The following POU2F1 variants were observed in gnomAD, a reference collection of about 807,000 sequenced individuals.
The protein encoded by POU2F1 is POU domain, class 2, transcription factor 1.
Under a neutral mutation model 84.9 loss-of-function variants are expected in POU2F1, and 16 were observed. That is an observed-to-expected ratio of 0.19 (90% CI 0.13 to 0.29). The LOEUF (loss-of-function observed/expected upper bound fraction) is 0.29, where lower values mean the gene tolerates loss of function less well. Ranked by LOEUF, POU2F1 falls within the 10% of genes least tolerant of loss-of-function variation. The probability of loss-of-function intolerance (pLI) is 1.00; values close to 1 mark genes in which losing one functional copy is unlikely to be tolerated. For synonymous variants in POU2F1, 368 were observed against 368.3 expected, an observed-to-expected ratio of 1.00 and a Z score of 0.01; for missense variants, 738 against 942.6, an observed-to-expected ratio of 0.78 and a Z score of 2.84.
chr1:167,360,788 A>G (rs1659305412), intron 2 of POU2F1, among the ~76,000 whole-genome samples: 1 of 152,146 alleles, frequency 6.6e-6, no homozygotes, highest in East Asian at 1.9e-4. Flanking sequence ...TTTGGGCAGT[A>G]TAGACATTTT....
chr1:167,320,179 G>A (rs1221916529), intron 1 of POU2F1, among the ~76,000 whole-genome samples: 3 of 152,140 alleles, frequency 2.0e-5, no homozygotes, highest in Non-Finnish European at 4.4e-5. Flanking sequence ...TCAACTAACT[G>A]TGTAGAATGA....
At chr1:167,400,913 G>T (rs1052871913) in intron 12 of POU2F1, among the ~76,000 whole-genome samples, 5 of 152,158 alleles carry the variant, frequency 3.3e-5, no homozygotes, top group Admixed American at 6.5e-5. Context: ...TTATGAAAAA[G>T]ATAATTATTA....
intron 1 of POU2F1, among the ~76,000 whole-genome samples, chr1:167,327,837 T>C (rs1656810662): frequency 6.6e-6 from 1 of 152,192 alleles, no homozygotes; most frequent in South Asian, 2.1e-4. Context: ...TCCGAATTAC[T>C]AGTGTGACAT....
At chr1:167,384,851 C>T (rs1647842250) in intron 8 of POU2F1, among the ~76,000 whole-genome samples, 1 of 151,762 alleles carries the variant, frequency 6.6e-6, no homozygotes, top group Non-Finnish European at 1.5e-5. Context: ...GCCAGTAATG[C>T]AATAAGACAA....
intron 2 of POU2F1, among the ~76,000 whole-genome samples, chr1:167,348,878 G>A (rs1234346890): frequency 6.6e-6 from 1 of 152,078 alleles, no homozygotes; most frequent in Admixed American, 6.6e-5. Context: ...CATGGCTTGA[G>A]GACAGTGACA....
At chr1:167,315,060 A>C (rs773603998) in intron 1 of POU2F1, among the ~76,000 whole-genome samples, 24 of 152,198 alleles carry the variant, frequency 1.6e-4, no homozygotes, top group Non-Finnish European at 2.8e-4. Context: ...TTCACTTTCT[A>C]CCATGATTGT....
Position 167,371,993 on chromosome 1 carries a change from T to C in POU2F1, c.359T>C (p.Ile120Thr). ...PSQQPSVQAA[I>T]PQTQLMLAGG... ...CAGCAGCCTTCAGTGCAGGCAGCCA[T>C]TCCCCAGACCCAGCTTATGCTAGCT... Residue 120 changes from isoleucine (I) to threonine (T), a missense_variant, in exon 5 of 16, where the codon ATT (isoleucine) becomes ACT (threonine). Coordinates refer to ENST00000367866, the MANE Select transcript of POU2F1 (RefSeq NM_002697.4). 6.2e-7 allele frequency: 1 copy of C among 1,614,158 alleles called. No individual in the cohort carries two copies. The highest frequency in any genetic ancestry group is 8.5e-7 in the Non-Finnish European group (1 of 1,180,008).
At chr1:167,328,639 C>G (rs1011911296) in intron 1 of POU2F1, among the ~76,000 whole-genome samples, 1 of 152,138 alleles carries the variant, frequency 6.6e-6, no homozygotes, top group African/African-American at 2.4e-5. Flanking sequence ...CTGTACCTCC[C>G]TTCTCCCTTG....
At chr1:167,292,482 TAA>T (rs775819541) in intron 1 of POU2F1, among the ~76,000 whole-genome samples, 6 of 135,836 alleles carry the variant, frequency 4.4e-5, no homozygotes, top group Admixed American at 1.5e-4. Context: ...TGAATCAGTT[TAA>T]AAAAAAAAAA....
chr1:167,318,218 A>T (rs1332634018), intron 1 of POU2F1, among the ~76,000 whole-genome samples: 3 of 152,168 alleles, frequency 2.0e-5, no homozygotes, highest in Non-Finnish European at 4.4e-5. Flanking sequence ...AATAGTTTCC[A>T]CAAATCCTTA....
intron 2 of POU2F1, among the ~76,000 whole-genome samples, chr1:167,359,320 G>A (rs760998755): frequency 1.8e-4 from 28 of 152,106 alleles, no homozygotes; most frequent in Non-Finnish European, 3.1e-4. Flanking sequence ...ACCTAGTACC[G>A]TAGGTAGTTT....
chr1:167,259,793 G>T (rs1036165155), intron 1 of POU2F1, among the ~76,000 whole-genome samples: 1 of 152,096 alleles, frequency 6.6e-6, no homozygotes, highest in East Asian at 1.9e-4. Flanking sequence ...CATTGCACAT[G>T]AAATGGCATC....
rs1482982402 is a variant in POU2F1, at chr1:167,416,876, C to T, written c.*1066C>T. On this transcript the variant is annotated 3_prime_UTR_variant, in exon 16 of 16. Coordinates refer to ENST00000367866, the MANE Select transcript of POU2F1 (RefSeq NM_002697.4). Reference sequence around the variant, plus strand: ...TGGTTCCCAAGAGCAAAGACTACTGCAGACACCTGACTTGGTGGTTCTCCT... The same window carrying T: ...TGGTTCCCAAGAGCAAAGACTACTGTAGACACCTGACTTGGTGGTTCTCCT... 2 of 152,230 alleles carry T rather than the reference C, an allele frequency of 1.3e-5. No individual in the cohort carries two copies. Among genetic ancestry groups the T allele is most frequent in the African/African-American group, 2.4e-5 (1 of 41,448 alleles). The allele number at this position is 152,230 out of a possible 1,614,324, so 9.4% of individuals were successfully genotyped here.
intron 1 of POU2F1, among the ~76,000 whole-genome samples, chr1:167,282,813 G>T (rs983319170): frequency 6.6e-6 from 1 of 152,202 alleles, no homozygotes; most frequent in Non-Finnish European, 1.5e-5. Context: ...AGCAAATGGG[G>T]TTAAATGCAG....
chr1:167,254,081 C>T (rs1468913329), intron 1 of POU2F1, among the ~76,000 whole-genome samples: 2 of 152,136 alleles, frequency 1.3e-5, no homozygotes, highest in African/African-American at 4.8e-5. Flanking sequence ...AATTAAATTG[C>T]TTCACTGGCA....
At chr1:167,223,914 C>T (rs1648427482) in intron 1 of POU2F1, among the ~76,000 whole-genome samples, 4 of 152,160 alleles carry the variant, frequency 2.6e-5, no homozygotes, top group Admixed American at 2.6e-4. Context: ...GGACAAGGTG[C>T]AGTTAATTTG....
intron 1 of POU2F1, among the ~76,000 whole-genome samples, chr1:167,302,266 C>CTTT (rs964368454): frequency 2.1e-5 from 3 of 143,570 alleles, no homozygotes; most frequent in Non-Finnish European, 4.6e-5. Context: ...TTTTTCTTTT[C>CTTT]TTTTTTTTTT....
intron 2 of POU2F1, among the ~76,000 whole-genome samples, chr1:167,358,122 CT>C (rs763521021): frequency 4.1e-3 from 395 of 97,152 alleles, no homozygotes; most frequent in African/African-American, 0.014. Flanking sequence ...TTTTTCTTTT[CT>C]TTTTTTTTTT....
At chr1:167,410,509 G>GTTATTA (rs143839688) in intron 13 of POU2F1, among the ~76,000 whole-genome samples, 4 of 128,848 alleles carry the variant, frequency 3.1e-5, no homozygotes, top group Non-Finnish European at 5.9e-5. Context: ...ACCAAAAAAT[G>GTTATTA]TTATTATTAT....
Sources: gnomAD v4.1 joint callset for allele counts (sites outside exome capture counted in the v4.1 genomes callset) on GRCh38, gnomAD v4.1.1 for gene constraint, MANE v1.5 for transcripts, NCBI Gene and HGNC (gene_info 2026-07-23, HGNC 2026-07-21) for gene names.